Variants in POC1A observed in about 807,000 individuals in gnomAD.
POC1A encodes the protein POC1 centriolar protein A.
Under a neutral mutation model 47.8 loss-of-function variants are expected in POC1A, and 34 were observed. That is an observed-to-expected ratio of 0.71 (90% confidence interval 0.54 to 0.95). The LOEUF is 0.95. POC1A is among the 40% of genes least tolerant of loss of function. The pLI is 0.00. For synonymous variants in POC1A, 177 were observed against 207.6 expected (o/e 0.85, Z 1.27); for missense variants, 466 against 528.3 (o/e 0.88, Z 1.16).
At chr3:52,143,686 C>G (rs934547056) in intron 6 of POC1A, among the ~76,000 whole-genome samples, 3 of 152,206 alleles carry the variant, frequency 2.0e-5, no homozygotes, top group Non-Finnish European at 4.4e-5. Context: ...CACTCTGATG[C>G]CAGCCCCTAC....
In POC1A at chr3:52,145,829, G is replaced by A. The variant is rs1698342541; in HGVS notation, c.679+17C>T. ...ACCAGGGCTGCCCTTGGGCCCAGGA[G>A]GCTGTTCACCACTCACACTGATAAT... On this transcript the variant is annotated intron_variant, in intron 6 of 10. Transcript: ENST00000296484. 2.6e-6 allele frequency: 4 copies of A among 1,553,962 alleles called. No individual in the cohort carries two copies. The highest frequency in any genetic ancestry group is 1.1e-5 in the South Asian group (1 of 89,886).
At chr3:52,144,193 G>C (rs1238253673) in intron 6 of POC1A, among the ~76,000 whole-genome samples, 2 of 152,146 alleles carry the variant, frequency 1.3e-5, no homozygotes, top group African/African-American at 4.8e-5. Context: ...ATCTCTCCCT[G>C]TCCAAGTCCT....
chr3:52,126,196 T>A (rs541225319), intron 7 of POC1A, among the ~76,000 whole-genome samples: 1 of 152,296 alleles, frequency 6.6e-6, no homozygotes, highest in East Asian at 1.9e-4. Flanking sequence ...CAACTGCCCA[T>A]GAGATGGGCT....
At chr3:52,096,445 G>C (rs568125505) in intron 10 of POC1A, 124 bp downstream of exon 10, 10 of 868,586 alleles carry the variant, frequency 1.2e-5, no homozygotes, top group Non-Finnish European at 1.7e-5. Flanking sequence ...AATATGGACT[G>C]GAAAACAGGT....
intron 2 of POC1A, among the ~76,000 whole-genome samples, chr3:52,150,757 C>A (rs891691070): frequency 1.3e-5 from 2 of 152,142 alleles, no homozygotes; most frequent in African/African-American, 2.4e-5. Flanking sequence ...GCAGAAAAGA[C>A]CCAGATCCCA....
At chr3:52,083,308 C>T (rs1009186353) in intron 10 of POC1A, among the ~76,000 whole-genome samples, 2 of 152,038 alleles carry the variant, frequency 1.3e-5, no homozygotes, top group Non-Finnish European at 2.9e-5. Context: ...AGGGTGAGGC[C>T]CCCACCCTCA....
At chr3:52,124,176 C>A (rs1703905260) in intron 8 of POC1A, among the ~76,000 whole-genome samples, 1 of 152,244 alleles carries the variant, frequency 6.6e-6, no homozygotes, top group African/African-American at 2.4e-5. Context: ...TCTCGGCCAT[C>A]CATCAGGTCA....
chr3:52,097,614 C>T (rs1479979279), intron 9 of POC1A, among the ~76,000 whole-genome samples: 1 of 152,218 alleles, frequency 6.6e-6, no homozygotes, highest in Non-Finnish European at 1.5e-5. Flanking sequence ...TGGTTCAGCA[C>T]ATGGACCCTA....
At chr3:52,144,506 T>G (rs535288003) in intron 6 of POC1A, among the ~76,000 whole-genome samples, 2 of 152,246 alleles carry the variant, frequency 1.3e-5, no homozygotes, top group African/African-American at 4.8e-5. Context: ...ACCAACCAGG[T>G]TGGCCTCACC....
intron 9 of POC1A, among the ~76,000 whole-genome samples, chr3:52,117,011 A>G (rs1448788835): frequency 6.6e-6 from 1 of 152,116 alleles, no homozygotes; most frequent in Non-Finnish European, 1.5e-5. Flanking sequence ...AACATGGTGA[A>G]ATCCCATCTC....
At chr3:52,076,963 G>A (rs575486759) in intron 10 of POC1A, among the ~76,000 whole-genome samples, 2 of 152,418 alleles carry the variant, frequency 1.3e-5, no homozygotes, top group South Asian at 2.1e-4. Flanking sequence ...TTTGGATAGA[G>A]TGTCAGCAGA....
chr3:52,083,656 G>A (rs1457360540), intron 10 of POC1A, among the ~76,000 whole-genome samples: 3 of 152,058 alleles, frequency 2.0e-5, no homozygotes, highest in Non-Finnish European at 4.4e-5. Flanking sequence ...TTTCCACTCT[G>A]TGTTTGGTGA....
chr3:52,131,013 AC>A (rs1412367223), intron 7 of POC1A, among the ~76,000 whole-genome samples: 2 of 143,792 alleles, frequency 1.4e-5, no homozygotes, highest in Non-Finnish European at 3.1e-5. Context: ...GCTCACCCAC[AC>A]GGGGTCGGGG....
At chr3:52,150,653 T>C (rs1468834913) in intron 2 of POC1A, among the ~76,000 whole-genome samples, 1 of 152,124 alleles carries the variant, frequency 6.6e-6, no homozygotes, top group African/African-American at 2.4e-5. Flanking sequence ...TGTGCCTTAT[T>C]ACTGTGGGCA....
At chr3:52,088,405 GTGCTTCCTC>G (rs1403297155) in intron 10 of POC1A, among the ~76,000 whole-genome samples, 4 of 152,198 alleles carry the variant, frequency 2.6e-5, no homozygotes, top group Admixed American at 2.6e-4. Context: ...AAGGCTTCCT[GTGCTTCCTC>G]TGCTTCCTCA....
In POC1A at chr3:52,080,916, G is replaced by A. The variant is rs1702259598; in HGVS notation, c.1126-4931C>T. On this transcript the variant is annotated intron_variant, in intron 10 of 10. Transcript: ENST00000296484. ...GCCTGGGCACTGTCACTCCTCACCC[G>A]ATACTGTCCGCCTCCCAAGTCAAGG... Among the ~76,000 whole-genome samples the A allele has an allele frequency of 3.3e-5, 5 of 152,338 alleles. No individual in the cohort carries two copies. The South Asian group carries it at 1.0e-3, about 32-fold the overall frequency.
intron 10 of POC1A, among the ~76,000 whole-genome samples, chr3:52,089,720 A>AT (rs1371120295): frequency 2.6e-5 from 4 of 152,112 alleles, no homozygotes; most frequent in African/African-American, 9.7e-5. Context: ...CTCCCAACAA[A>AT]TTCTGTCTGG....
chr3:52,140,948 C>CT (rs1375643375), intron 6 of POC1A, among the ~76,000 whole-genome samples: 1 of 152,222 alleles, frequency 6.6e-6, no homozygotes, highest in Non-Finnish European at 1.5e-5. Flanking sequence ...GCATGATCCA[C>CT]TTTTTTTCAA....
intron 10 of POC1A, among the ~76,000 whole-genome samples, chr3:52,088,241 G>A (rs1490405775): frequency 6.6e-6 from 1 of 152,150 alleles, no homozygotes; most frequent in Non-Finnish European, 1.5e-5. Flanking sequence ...ACCAGGGATG[G>A]AGTCTCAAGG....
Sources: allele counts gnomAD v4.1 joint callset (sites outside exome capture counted in the v4.1 genomes callset), GRCh38; gene constraint gnomAD v4.1.1; transcripts MANE v1.5; gene names NCBI Gene and HGNC (gene_info 2026-07-23, HGNC 2026-07-21).